The following RORA variants were observed in gnomAD, a reference collection of about 807,000 sequenced individuals.
RORA encodes RAR related orphan receptor A.
RORA carries 7 observed loss-of-function variants against 69.5 expected under a neutral mutation model. That is an observed-to-expected ratio of 0.10 (90% CI 0.06 to 0.19). The LOEUF (loss-of-function observed/expected upper bound fraction) is 0.19, where lower values mean the gene tolerates loss of function less well. Among genes scored for constraint, RORA ranks in the 10% least tolerant of loss-of-function variants. RORA has a pLI of 1.00. For missense variants in RORA, 457 were observed against 663.0 expected (o/e 0.69, Z 3.41); for synonymous variants, 261 against 240.8 (o/e 1.08, Z -0.78).
intron 1 of RORA, among the ~76,000 whole-genome samples, chr15:60,957,024 G>T (rs1893286042): frequency 6.6e-6 from 1 of 152,198 alleles, no homozygotes; most frequent in Non-Finnish European, 1.5e-5. Context: ...AGTCAGGTGA[G>T]AGCTGAAGGG....
intron 1 of RORA, among the ~76,000 whole-genome samples, chr15:61,119,843 C>A (rs2079086381): frequency 6.6e-6 from 1 of 152,174 alleles, no homozygotes; most frequent in African/African-American, 2.4e-5. Flanking sequence ...AGTCTTTGTG[C>A]TGGAGAAGCT....
intron 1 of RORA, among the ~76,000 whole-genome samples, chr15:60,906,416 C>A (rs1891543768): frequency 6.6e-6 from 1 of 152,144 alleles, no homozygotes; most frequent in Admixed American, 6.6e-5. Context: ...ATTAAAGTAC[C>A]ATTTGTATGT....
chr15:61,055,499 G>A (rs1287760084), intron 1 of RORA, among the ~76,000 whole-genome samples: 7 of 152,060 alleles, frequency 4.6e-5, no homozygotes, highest in South Asian at 2.1e-4. Flanking sequence ...CGTCTCTCCC[G>A]CCCCTACAAT....
At chr15:60,656,275 C>A (rs1007011089) in intron 2 of RORA, among the ~76,000 whole-genome samples, 3 of 152,170 alleles carry the variant, frequency 2.0e-5, no homozygotes, top group Non-Finnish European at 2.9e-5. Flanking sequence ...AAAACTAGGG[C>A]CTTCTGAGTC....
At chr15:61,028,998 G>A (rs973683066) in intron 1 of RORA, among the ~76,000 whole-genome samples, 4 of 151,984 alleles carry the variant, frequency 2.6e-5, no homozygotes, top group African/African-American at 9.7e-5. Flanking sequence ...GAGGATACAG[G>A]TTTCTTTTTG....
intron 1 of RORA, among the ~76,000 whole-genome samples, chr15:61,151,192 G>A (rs1033409007): frequency 6.6e-6 from 1 of 152,092 alleles, no homozygotes; most frequent in Non-Finnish European, 1.5e-5. Flanking sequence ...TGTATTCTGT[G>A]ATGTCATCCA....
Position 60,488,708 on chromosome 15 carries a change from T to C in RORA, c.*8747A>G, listed in dbSNP as rs146325249. 12 of 152,356 alleles carry C rather than the reference T, an allele frequency of 7.9e-5. No individual in the cohort carries two copies. The East Asian group carries it at 2.1e-3, about 27-fold the overall frequency. The allele number at this position is 152,356 out of a possible 1,614,324, so 9.4% of individuals were successfully genotyped here. A position where few individuals can be genotyped will look rare whatever the true frequency, so the allele number is the denominator to read the frequency against. On this transcript the variant is annotated 3_prime_UTR_variant, in exon 11 of 11. Transcript: ENST00000335670. Reference sequence around the variant, plus strand: ...TTTTAGTGTGGCAGAAAAGGAGTTTTTACATACTGTACACAAAACAGACAG... The same window carrying C: ...TTTTAGTGTGGCAGAAAAGGAGTTTCTACATACTGTACACAAAACAGACAG...
rs373293146 is a variant in RORA, at chr15:60,581,152, C to T, written c.197-49301G>A. On this transcript the variant is annotated intron_variant, in intron 2 of 10. Transcript: ENST00000335670. ...AAAACACTCGATCCATCTTAACAGTCGAAATGAGCAGTTTAGCCAATATTT... is the reference window on the plus strand; with the variant it reads ...AAAACACTCGATCCATCTTAACAGTTGAAATGAGCAGTTTAGCCAATATTT... Among the ~76,000 whole-genome samples, 75 of 152,276 alleles carry T rather than the reference C, an allele frequency of 4.9e-4. No homozygotes were observed. The South Asian group carries it at 9.5e-3, about 19-fold the overall frequency.
At chr15:61,018,645 G>A (rs1256946021) in intron 1 of RORA, among the ~76,000 whole-genome samples, 1 of 152,036 alleles carries the variant, frequency 6.6e-6, no homozygotes, top group Non-Finnish European at 1.5e-5. Context: ...TGTATATATT[G>A]TACTGTGCTC....
intron 1 of RORA, among the ~76,000 whole-genome samples, chr15:61,162,480 T>C (rs1445208953): frequency 6.6e-6 from 1 of 152,202 alleles, no homozygotes; most frequent in Non-Finnish European, 1.5e-5. Flanking sequence ...GGGGCATTTC[T>C]GGTGCTAACA....
At chr15:60,561,553 T>C (rs867831755) in intron 2 of RORA, among the ~76,000 whole-genome samples, 7 of 152,156 alleles carry the variant, frequency 4.6e-5, no homozygotes, top group African/African-American at 1.7e-4. Context: ...GAAGATGCTT[T>C]AACATCTTTA....
At chr15:60,706,956 G>C (rs549777641) in intron 1 of RORA, among the ~76,000 whole-genome samples, 1 of 152,330 alleles carries the variant, frequency 6.6e-6, no homozygotes, top group East Asian at 1.9e-4. Context: ...AATAGTTTCT[G>C]ATTCTTACTT....
chr15:60,557,289 T>G (rs1333530508), intron 2 of RORA, among the ~76,000 whole-genome samples: 3 of 152,254 alleles, frequency 2.0e-5, no homozygotes, highest in Non-Finnish European at 1.5e-5. Context: ...AGATATAGAA[T>G]GCTCACAACT....
intron 1 of RORA, among the ~76,000 whole-genome samples, chr15:60,937,089 A>T (rs1199738719): frequency 1.3e-5 from 2 of 152,166 alleles, no homozygotes; most frequent in East Asian, 3.8e-4. Context: ...TCACAATTTT[A>T]TGAGGAATAT....
intron 1 of RORA, among the ~76,000 whole-genome samples, chr15:60,693,489 T>C (rs2070859468): frequency 6.6e-6 from 1 of 152,134 alleles, no homozygotes; most frequent in South Asian, 2.1e-4. Context: ...TTCTTTCAAA[T>C]AGGAAGAGAG....
chr15:60,692,423 G>C (rs564916472), intron 1 of RORA, among the ~76,000 whole-genome samples: 10 of 152,166 alleles, frequency 6.6e-5, no homozygotes, highest in Non-Finnish European at 1.3e-4. Context: ...GGAAAAATGA[G>C]TTCACGCTAC....
At chr15:60,566,827 C>T (rs1245124438) in intron 2 of RORA, among the ~76,000 whole-genome samples, 1 of 152,132 alleles carries the variant, frequency 6.6e-6, no homozygotes, top group Non-Finnish European at 1.5e-5. Flanking sequence ...GAGAGGCTCA[C>T]TGTGTCTCAA....
chr15:60,939,571 G>A (rs1566917180), intron 1 of RORA, among the ~76,000 whole-genome samples: 2 of 152,146 alleles, frequency 1.3e-5, no homozygotes, highest in Non-Finnish European at 2.9e-5. Flanking sequence ...TATGCCTTTC[G>A]CCAGAGGGAG....
chr15:60,904,302 C>G (rs1891471960), intron 1 of RORA, among the ~76,000 whole-genome samples: 1 of 152,136 alleles, frequency 6.6e-6, no homozygotes, highest in South Asian at 2.1e-4. Flanking sequence ...AGGAGAGAGT[C>G]TTTTCCCTCA....
Sources: gnomAD v4.1 joint callset for allele counts (sites outside exome capture counted in the v4.1 genomes callset) on GRCh38, gnomAD v4.1.1 for gene constraint, MANE v1.5 for transcripts, NCBI Gene and HGNC (gene_info 2026-07-23, HGNC 2026-07-21) for gene names.